The following LRRTM4 variants were observed in gnomAD, a reference collection of about 807,000 sequenced individuals.
The protein encoded by LRRTM4 is leucine-rich repeat transmembrane neuronal protein 4.
In LRRTM4, 25 loss-of-function variants were observed where a neutral mutation model predicts 47.6. That is an observed-to-expected ratio of 0.53 (90% CI 0.38 to 0.73). The LOEUF (loss-of-function observed/expected upper bound fraction) is 0.73, where lower values mean the gene tolerates loss of function less well. LRRTM4 is among the 30% of genes least tolerant of loss of function. The pLI is 0.00. For synonymous variants in LRRTM4, 311 were observed against 269.5 expected (o/e 1.15, Z -1.51); for missense variants, 638 against 713.4 (o/e 0.89, Z 1.20).
At chr2:77,034,361 C>G (rs759905863) in intron 3 of LRRTM4, among the ~76,000 whole-genome samples, 2 of 151,924 alleles carry the variant, frequency 1.3e-5, no homozygotes, top group Non-Finnish European at 1.5e-5. Context: ...GATTAAATTG[C>G]TCTTTTGACA....
intron 3 of LRRTM4, among the ~76,000 whole-genome samples, chr2:77,319,966 T>G (rs555350637): frequency 2.8e-4 from 43 of 152,326 alleles, no homozygotes; most frequent in African/African-American, 9.9e-4. Flanking sequence ...AAACTACTTT[T>G]TTATTAACTT....
At chr2:76,936,192 T>G (rs1674939499) in intron 3 of LRRTM4, among the ~76,000 whole-genome samples, 1 of 152,136 alleles carries the variant, frequency 6.6e-6, no homozygotes, top group Admixed American at 6.5e-5. Context: ...CCAACCCAAA[T>G]GCCCATCAAT....
intron 3 of LRRTM4, among the ~76,000 whole-genome samples, chr2:76,773,704 G>A (rs1417698297): frequency 6.6e-6 from 1 of 150,732 alleles, no homozygotes; most frequent in Non-Finnish European, 1.5e-5. Context: ...TCTTTACACA[G>A]AAAAACACAT....
intron 3 of LRRTM4, among the ~76,000 whole-genome samples, chr2:76,797,318 C>G (rs1466808230): frequency 6.6e-6 from 1 of 152,044 alleles, no homozygotes; most frequent in Non-Finnish European, 1.5e-5. Context: ...ATTCAACATT[C>G]TTAAAGAAAA....
At chr2:76,914,458 A>G (rs961940018) in intron 3 of LRRTM4, among the ~76,000 whole-genome samples, 1 of 152,058 alleles carries the variant, frequency 6.6e-6, no homozygotes, top group Admixed American at 6.6e-5. Flanking sequence ...TATTTTTTGT[A>G]AAGTGTCAAA....
At chr2:76,836,977 G>A (rs901749711) in intron 3 of LRRTM4, among the ~76,000 whole-genome samples, 3 of 152,064 alleles carry the variant, frequency 2.0e-5, no homozygotes, top group African/African-American at 7.2e-5. Flanking sequence ...AAATCCTCAT[G>A]TTGTAAGTTA....
At chr2:77,469,944 C>G (rs1166372518) in intron 3 of LRRTM4, among the ~76,000 whole-genome samples, 2 of 152,050 alleles carry the variant, frequency 1.3e-5, no homozygotes, top group African/African-American at 4.8e-5. Flanking sequence ...TAAACAAAGA[C>G]TTTTTATTTA....
At chr2:77,262,533 C>G (rs1675946096) in intron 3 of LRRTM4, among the ~76,000 whole-genome samples, 1 of 151,550 alleles carries the variant, frequency 6.6e-6, no homozygotes, top group Non-Finnish European at 1.5e-5. Flanking sequence ...AGGATCCCAT[C>G]TAGAATAACA....
intron 3 of LRRTM4, among the ~76,000 whole-genome samples, chr2:76,858,680 C>T (rs1176063220): frequency 1.3e-5 from 2 of 152,142 alleles, no homozygotes; most frequent in African/African-American, 4.8e-5. Context: ...GAAAACTGCT[C>T]TGTAATTGCA....
chr2:77,475,316 TC>T (rs1014635993), intron 3 of LRRTM4, among the ~76,000 whole-genome samples: 16 of 152,232 alleles, frequency 1.1e-4, no homozygotes, highest in African/African-American at 3.8e-4. Flanking sequence ...GGCGTATTTT[TC>T]CTTTTGGGAA....
intron 3 of LRRTM4, among the ~76,000 whole-genome samples, chr2:77,419,216 C>G (rs1283911276): frequency 6.6e-6 from 1 of 152,120 alleles, no homozygotes; most frequent in Non-Finnish European, 1.5e-5. Flanking sequence ...ATTACAAACA[C>G]TTGAGGCCAA....
At chr2:77,312,036 G>C (rs1677470094) in intron 3 of LRRTM4, among the ~76,000 whole-genome samples, 4 of 151,932 alleles carry the variant, frequency 2.6e-5, no homozygotes, top group Admixed American at 6.6e-5. Flanking sequence ...GTGTTGATGA[G>C]TTCCCATAGC....
chr2:76,964,075 T>C (rs539135589), intron 3 of LRRTM4, among the ~76,000 whole-genome samples: 41 of 151,006 alleles, frequency 2.7e-4, no homozygotes, highest in African/African-American at 8.4e-4. Flanking sequence ...CAAATAAATC[T>C]TCATAGAAGT....
At chr2:77,030,364 C>T (rs1678611296) in intron 3 of LRRTM4, among the ~76,000 whole-genome samples, 2 of 152,012 alleles carry the variant, frequency 1.3e-5, no homozygotes, top group African/African-American at 2.4e-5. Context: ...AACTGGGAGG[C>T]GGAGGTTGCA....
At chr2:77,500,946 G>A (rs1678550093) in intron 3 of LRRTM4, among the ~76,000 whole-genome samples, 1 of 151,314 alleles carries the variant, frequency 6.6e-6, no homozygotes, top group African/African-American at 2.4e-5. Flanking sequence ...GACCAGTATA[G>A]CTAGTATAAT....
chr2:76,941,118 G>T (rs909071366), intron 3 of LRRTM4, among the ~76,000 whole-genome samples: 1 of 151,976 alleles, frequency 6.6e-6, no homozygotes, highest in Admixed American at 6.6e-5. Context: ...AAAGAAGAAG[G>T]TAAAGTAAAA....
chr2:77,267,268 A>G (rs1054616680), intron 3 of LRRTM4, among the ~76,000 whole-genome samples: 4 of 152,210 alleles, frequency 2.6e-5, no homozygotes, highest in African/African-American at 9.6e-5. Flanking sequence ...TTATACTGCT[A>G]TAGAGGACTA....
intron 3 of LRRTM4, among the ~76,000 whole-genome samples, chr2:77,515,344 T>A (rs1019765728): frequency 1.3e-5 from 2 of 151,864 alleles, no homozygotes; most frequent in African/African-American, 4.8e-5. Context: ...AATTGCATGC[T>A]ATATTTGTGT....
At chr2:76,793,348 G>C in intron 3 of LRRTM4, among the ~76,000 whole-genome samples, 1 of 152,130 alleles carries the variant, frequency 6.6e-6, no homozygotes, top group South Asian at 2.1e-4. Flanking sequence ...TGAGTAGATG[G>C]GACATAGATT....
Sources: allele counts gnomAD v4.1 joint callset (sites outside exome capture counted in the v4.1 genomes callset), GRCh38; gene constraint gnomAD v4.1.1; transcripts MANE v1.5; gene names NCBI Gene and HGNC (gene_info 2026-07-23, HGNC 2026-07-21).